Variants in CIMIP5 observed in about 807,000 individuals in gnomAD.
The protein encoded by CIMIP5 is uncharacterized protein C2orf50.
At chr2:11,143,779 G>A in the CIMIP5 span, 1 of 687,998 alleles carries the variant, frequency 1.5e-6, no homozygotes, top group South Asian at 3.2e-5. Flanking sequence ...TCACTCTTGG[G>A]GGATCCCAAG....
chr2:11,153,351 C>T, the CIMIP5 span, among the ~76,000 whole-genome samples: 1 of 152,188 alleles, frequency 6.6e-6, no homozygotes, highest in South Asian at 2.1e-4. Context: ...AAAGGCCCCT[C>T]ATGCTGCCTG....
the CIMIP5 span, chr2:11,133,165 C>T: frequency 1.4e-6 from 1 of 730,012 alleles, no homozygotes; most frequent in Non-Finnish European, 2.0e-6. Context: ...CTGTCCCCAT[C>T]GGCCACTCTG....
chr2:11,135,586 A>G, the CIMIP5 span, among the ~76,000 whole-genome samples: 2 of 151,376 alleles, frequency 1.3e-5, no homozygotes, highest in Non-Finnish European at 2.9e-5. Flanking sequence ...GCCCTCCACC[A>G]TGCCTGGCTA....
the CIMIP5 span, chr2:11,133,627 G>T: frequency 1.9e-6 from 3 of 1,552,278 alleles, no homozygotes; most frequent in South Asian, 1.2e-5. Context: ...CCCTGACTCC[G>T]CAGCCTGACT....
chr2:11,133,402 G>A, the CIMIP5 span: 1 of 1,611,886 alleles, frequency 6.2e-7, no homozygotes, highest in East Asian at 2.2e-5. Flanking sequence ...CCCCCCACCA[G>A]GCCACCAGCC....
the CIMIP5 span, among the ~76,000 whole-genome samples, chr2:11,139,041 C>T: frequency 6.6e-6 from 1 of 152,092 alleles, no homozygotes; most frequent in Non-Finnish European, 1.5e-5. Context: ...CCTCAGCCTC[C>T]CTAGTAGCTG....
the CIMIP5 span, among the ~76,000 whole-genome samples, chr2:11,134,271 G>C: frequency 6.6e-6 from 1 of 152,222 alleles, no homozygotes; most frequent in African/African-American, 2.4e-5. Flanking sequence ...CACAGGGAGT[G>C]AGGAAGGCCA....
At chr2:11,134,893 C>T in the CIMIP5 span, among the ~76,000 whole-genome samples, 71 of 152,270 alleles carry the variant, frequency 4.7e-4, no homozygotes, top group Admixed American at 4.0e-3. Flanking sequence ...GTTCTGCAGG[C>T]TGTACGAGCA....
the CIMIP5 span, among the ~76,000 whole-genome samples, chr2:11,142,713 ATTTTTT>A: frequency 6.7e-5 from 7 of 104,140 alleles, no homozygotes; most frequent in Admixed American, 3.5e-4. Flanking sequence ...CACTTGTCAG[ATTTTTT>A]TTTTTTTTTT....
the CIMIP5 span, among the ~76,000 whole-genome samples, chr2:11,152,511 A>T: frequency 6.6e-6 from 1 of 152,124 alleles, no homozygotes; most frequent in Non-Finnish European, 1.5e-5. Context: ...GGTGGTTTCA[A>T]TGAGACTCCT....
the CIMIP5 span, among the ~76,000 whole-genome samples, chr2:11,149,576 G>A: frequency 6.6e-6 from 1 of 152,066 alleles, no homozygotes; most frequent in East Asian, 1.9e-4. Context: ...GTGTGGTGAT[G>A]CAGGCCTATA....
chr2:11,133,482 C>T, the CIMIP5 span: 1 of 1,608,878 alleles, frequency 6.2e-7, no homozygotes, highest in Non-Finnish European at 8.5e-7. Context: ...CCAGGCCCCC[C>T]AGGCTCTGAA....
chr2:11,143,957 T>G, the CIMIP5 span: 72 of 1,603,188 alleles, frequency 4.5e-5, no homozygotes, highest in Non-Finnish European at 5.7e-5. Context: ...CCAGACCATG[T>G]GCCTCTCTTT....
At chr2:11,133,866 G>A in the CIMIP5 span, among the ~76,000 whole-genome samples, 14 of 152,178 alleles carry the variant, frequency 9.2e-5, no homozygotes, top group Non-Finnish European at 1.9e-4. Flanking sequence ...AATCCCTTGA[G>A]CTGGAGCCTG....
At chr2:11,137,299 G>A in the CIMIP5 span, among the ~76,000 whole-genome samples, 732 of 152,202 alleles carry the variant, frequency 4.8e-3, 3 homozygotes, top group African/African-American at 0.016. Flanking sequence ...GCTTGAACCC[G>A]GCAGGCAGAG....
the CIMIP5 span, among the ~76,000 whole-genome samples, chr2:11,151,544 C>T: frequency 2.0e-5 from 3 of 152,346 alleles, no homozygotes; most frequent in Admixed American, 6.5e-5. Context: ...CACACAGAGC[C>T]AGCTGTGCGG....
the CIMIP5 span, among the ~76,000 whole-genome samples, chr2:11,134,672 G>A: frequency 6.6e-6 from 1 of 152,214 alleles, no homozygotes; most frequent in East Asian, 1.9e-4. Context: ...AAGGGTGAAT[G>A]TATATATGTG....
chr2:11,148,824 T>C, the CIMIP5 span, among the ~76,000 whole-genome samples: 1 of 141,164 alleles, frequency 7.1e-6, no homozygotes, highest in South Asian at 2.2e-4. Context: ...AACCTTCGCC[T>C]CCTGGGTTCA....
chr2:11,149,099 T>C, the CIMIP5 span, among the ~76,000 whole-genome samples: 1 of 152,094 alleles, frequency 6.6e-6, no homozygotes, highest in African/African-American at 2.4e-5. Flanking sequence ...ATTTAATGAC[T>C]CAGCAATAAC....
Sources: allele counts gnomAD v4.1 joint callset (sites outside exome capture counted in the v4.1 genomes callset), GRCh38; gene constraint gnomAD v4.1.1; transcripts MANE v1.5; gene names NCBI Gene and HGNC (gene_info 2026-07-23, HGNC 2026-07-21).